Variants in CACNA1B observed in about 807,000 individuals in gnomAD.
The protein encoded by CACNA1B is calcium voltage-gated channel subunit alpha1 B.
A neutral mutation model predicts 247.2 loss-of-function variants in CACNA1B; 70 were observed. The ratio of observed to expected loss-of-function variants is 0.28; its 90% CI spans 0.23 to 0.35. The LOEUF (loss-of-function observed/expected upper bound fraction) is 0.35, where lower values mean the gene tolerates loss of function less well. Among genes scored for constraint, CACNA1B ranks in the 10% least tolerant of loss-of-function variants. The pLI is 1.00. For synonymous variants in CACNA1B, 1,231 were observed against 1,294.4 expected (o/e 0.95, Z 1.05); for missense variants, 2,367 against 3,197.4 (o/e 0.74, Z 6.26).
chr9:137,993,703 T>C (rs1172112756), intron 15 of CACNA1B, among the ~76,000 whole-genome samples: 1 of 151,908 alleles, frequency 6.6e-6, no homozygotes, highest in Admixed American at 6.6e-5. Context: ...GAAATGGTAA[T>C]AAAAAAATTA....
chr9:138,097,854 C>G (rs971444423), intron 37 of CACNA1B, among the ~76,000 whole-genome samples: 2 of 152,208 alleles, frequency 1.3e-5, no homozygotes, highest in Admixed American at 6.5e-5. Context: ...AGGGAGCCCT[C>G]CACAGACACA....
intron 6 of CACNA1B, among the ~76,000 whole-genome samples, chr9:137,925,321 A>C (rs1456240972): frequency 2.0e-5 from 3 of 152,170 alleles, no homozygotes; most frequent in Non-Finnish European, 2.9e-5. Flanking sequence ...GGGTCCCTTT[A>C]AATTTGTGGG....
At chr9:138,027,443 CTCTT>C (rs1958935343) in intron 20 of CACNA1B, among the ~76,000 whole-genome samples, 4 of 152,206 alleles carry the variant, frequency 2.6e-5, no homozygotes, top group East Asian at 3.9e-4. Context: ...ATACTTCTAA[CTCTT>C]TCTAAGTCTT....
At chr9:138,006,247 A>C (rs920067191) in intron 15 of CACNA1B, among the ~76,000 whole-genome samples, 1 of 152,102 alleles carries the variant, frequency 6.6e-6, no homozygotes, top group Non-Finnish European at 1.5e-5. Flanking sequence ...TCCAAAAATT[A>C]AAGTAGAAAA....
chr9:138,119,098 C>T (rs924147824), intron 44 of CACNA1B, among the ~76,000 whole-genome samples: 2 of 152,120 alleles, frequency 1.3e-5, no homozygotes, highest in Admixed American at 6.5e-5. Flanking sequence ...TCTGTTCCTC[C>T]TTTCCGGGGC....
rs1038596423 is a variant in CACNA1B at position 138,120,388 on chromosome 9, C to G, written c.6238+16C>G. Reference sequence around the variant, plus strand: ...ATGGATGGCGGTGCGTGCGGAGGGGCCCGGGGAGTCCTTCGGGGAGCTATG... The same window carrying G: ...ATGGATGGCGGTGCGTGCGGAGGGGGCCGGGGAGTCCTTCGGGGAGCTATG... On this transcript the variant is annotated intron_variant, in intron 45 of 46. Coordinates refer to ENST00000371372, the MANE Select transcript of CACNA1B (RefSeq NM_000718.4). 1 of 1,532,482 alleles carries G rather than the reference C, an allele frequency of 6.5e-7. No homozygotes were observed. The highest frequency in any genetic ancestry group is 1.4e-5 in the African/African-American group (1 of 73,102). The allele number at this position is 1,532,482 out of a possible 1,614,324, so 94.9% of individuals were successfully genotyped here. A position where few individuals can be genotyped will look rare whatever the true frequency, so the allele number is the denominator to read the frequency against.
At chr9:137,908,601 T>G (rs1957323276) in intron 3 of CACNA1B, among the ~76,000 whole-genome samples, 2 of 152,124 alleles carry the variant, frequency 1.3e-5, no homozygotes, top group Non-Finnish European at 2.9e-5. Context: ...AGTGTACAAG[T>G]CAGTGGTTTT....
Position 138,102,610 on chromosome 9 carries a change from C to A in CACNA1B, c.5223-101C>A. 1.8e-6 allele frequency: 1 copy of A among 556,198 alleles called. No homozygotes were observed. Among genetic ancestry groups the A allele is most frequent in the Non-Finnish European group, 3.2e-6 (1 of 311,228 alleles). 34.5% of individuals were successfully genotyped at this position (556,198 alleles called of 1,614,324 possible). Reference sequence around the variant, plus strand: ...CTGGCTCTGTTTTCTTGTCTGCTTCCTCCCTGCCCCTACCCCGCTCCCCTC... The same window carrying A: ...CTGGCTCTGTTTTCTTGTCTGCTTCATCCCTGCCCCTACCCCGCTCCCCTC... On this transcript the variant is annotated intron_variant, in intron 37 of 46. Transcript: ENST00000371372. This position sits in a 1 kb window ranked among gnomAD's most constrained non-coding sequence, Gnocchi z 5.4.
In CACNA1B at chr9:137,893,764, T is replaced by C. The variant is rs138293912; in HGVS notation, c.530+10881T>C. ...AAATGGTATAGAGAGAGCAGTGTACTCTTTACCCAGTTCCCCCAAAGGAAA... is the reference window on the plus strand; with the variant it reads ...AAATGGTATAGAGAGAGCAGTGTACCCTTTACCCAGTTCCCCCAAAGGAAA... On this transcript the variant is annotated intron_variant, in intron 3 of 46. Transcript: ENST00000371372. Among the ~76,000 whole-genome samples, 530 of 152,338 alleles carry C rather than the reference T, an allele frequency of 3.5e-3. 2 individuals are homozygous for C. Among genetic ancestry groups the C allele is most frequent in the South Asian group, 0.016 (75 of 4,834 alleles).
chr9:138,085,541 C>A (rs1230841964), intron 36 of CACNA1B, among the ~76,000 whole-genome samples: 2 of 151,110 alleles, frequency 1.3e-5, no homozygotes, highest in Non-Finnish European at 2.9e-5. Context: ...TCAACAGTCC[C>A]CCAATAGATT....
chr9:138,079,516 A>G (rs1395877023), intron 36 of CACNA1B, among the ~76,000 whole-genome samples: 1 of 152,020 alleles, frequency 6.6e-6, no homozygotes, highest in Non-Finnish European at 1.5e-5. Flanking sequence ...GCCCAGGCGG[A>G]CAGATCACCT....
At chr9:137,904,672 TC>T (rs1399882859) in intron 3 of CACNA1B, among the ~76,000 whole-genome samples, 1 of 151,810 alleles carries the variant, frequency 6.6e-6, no homozygotes, top group Non-Finnish European at 1.5e-5. Flanking sequence ...TGCCTCCGCC[TC>T]CCCCCTCCTC....
chr9:137,892,846 C>A (rs1203108590), intron 3 of CACNA1B, among the ~76,000 whole-genome samples: 2 of 152,256 alleles, frequency 1.3e-5, no homozygotes, highest in Non-Finnish European at 2.9e-5. Flanking sequence ...ACACTGCAGG[C>A]AGACAGGCAG....
intron 3 of CACNA1B, among the ~76,000 whole-genome samples, chr9:137,898,368 G>A (rs1398425124): frequency 1.3e-5 from 2 of 151,980 alleles, no homozygotes; most frequent in African/African-American, 4.8e-5. Context: ...ACCAAATTTG[G>A]CAAGTTCTCA....
intron 3 of CACNA1B, among the ~76,000 whole-genome samples, chr9:137,895,739 C>T (rs1284777263): frequency 1.3e-5 from 2 of 152,164 alleles, no homozygotes; most frequent in African/African-American, 4.8e-5. Flanking sequence ...TTTGGAGATT[C>T]TCTGGAATTT....
At position 137,917,830 on chromosome 9, in the gene CACNA1B, G is replaced by A. The variant is rs905903831; in HGVS notation, c.966+399G>A. Among the ~76,000 whole-genome samples the A allele has an allele frequency of 2.0e-5, 3 of 152,224 alleles. No homozygotes were observed. The highest frequency in any genetic ancestry group is 7.2e-5 in the African/African-American group (3 of 41,456). On this transcript the variant is annotated intron_variant, in intron 6 of 46. Transcript: ENST00000371372. This position sits in a 1 kb window ranked among gnomAD's most constrained non-coding sequence, Gnocchi z 5.5. ...TCCTGTTGACTCCTCTCAGGAACCT[G>A]TTGCACAGATGATGAGGCTGACTTG...
chr9:138,123,439 G>A lies in CACNA1B; in HGVS notation c.*1440G>A, dbSNP rs201768216. On this transcript the variant is annotated 3_prime_UTR_variant, in exon 47 of 47. Coordinates refer to ENST00000371372, the MANE Select transcript of CACNA1B (RefSeq NM_000718.4). ...GATGCTGGGAGGTCCCTTGTTTGGTGAAGAAAGGGAGCATTTAGAGCAGTT... is the reference window on the plus strand; with the variant it reads ...GATGCTGGGAGGTCCCTTGTTTGGTAAAGAAAGGGAGCATTTAGAGCAGTT... 1.8e-4 allele frequency: 27 copies of A among 152,368 alleles called. No homozygotes were observed. Among genetic ancestry groups the A allele is most frequent in the African/African-American group, 6.5e-4 (27 of 41,484 alleles). The allele number at this position is 152,368 out of a possible 1,614,324, so 9.4% of individuals were successfully genotyped here.
chr9:137,970,678 G>A (rs531051346), intron 10 of CACNA1B, among the ~76,000 whole-genome samples: 163 of 152,292 alleles, frequency 1.1e-3, no homozygotes, highest in Non-Finnish European at 1.7e-3. Context: ...TGTGTGGGAA[G>A]GAGTCCAGTG....
chr9:137,971,645 T>G lies in CACNA1B; in HGVS notation c.1543+53T>G. 1 of 1,490,816 alleles carries G rather than the reference T, an allele frequency of 6.7e-7. No homozygotes were observed. The highest frequency in any genetic ancestry group is 1.8e-5 in the Admixed American group (1 of 54,584). 92.3% of individuals were successfully genotyped at this position (1,490,816 alleles called of 1,614,324 possible). On this transcript the variant is annotated intron_variant, in intron 11 of 46. Coordinates refer to ENST00000371372, the MANE Select transcript of CACNA1B (RefSeq NM_000718.4). This position sits in a 1 kb window ranked among gnomAD's most constrained non-coding sequence, Gnocchi z 4.4. ...GCTTCCTGAGCATCTCTGCTCTCAG[T>G]CTGGAAACCCTGGTCCATGCCCTGG...
Sources: gnomAD v4.1 joint callset for allele counts (sites outside exome capture counted in the v4.1 genomes callset) on GRCh38, gnomAD v4.1.1 for gene constraint, Gnocchi (gnomAD v3.1) non-coding constraint, MANE v1.5 for transcripts, NCBI Gene and HGNC (gene_info 2026-07-23, HGNC 2026-07-21) for gene names.